Variants in SPATA13 observed in about 807,000 individuals in gnomAD.
SPATA13 encodes spermatogenesis associated 13, also known as spermatogenesis-associated protein 13.
In SPATA13, 50 loss-of-function variants were observed where a neutral mutation model predicts 104.0. That is an observed-to-expected ratio of 0.48 (90% confidence interval 0.38 to 0.61). The LOEUF (loss-of-function observed/expected upper bound fraction) is 0.61. Ranked by LOEUF, SPATA13 falls within the 20% of genes least tolerant of loss-of-function variation. The pLI is 0.00. For synonymous variants in SPATA13, 606 were observed against 667.5 expected, an observed-to-expected ratio of 0.91 and a Z score of 1.42; for missense variants, 1,524 against 1,690.6, an observed-to-expected ratio of 0.90 and a Z score of 1.73.
At chr13:24,023,919 G>C (rs1392914846) in intron 3 of SPATA13, among the ~76,000 whole-genome samples, 7 of 152,210 alleles carry the variant, frequency 4.6e-5, no homozygotes. Flanking sequence ...GTGGGGATTT[G>C]TTCAGCAGCA....
chr13:24,193,676 GAA>G (rs968948219), intron 1 of SPATA13, among the ~76,000 whole-genome samples: 1 of 152,230 alleles, frequency 6.6e-6, no homozygotes, highest in Non-Finnish European at 1.5e-5. Flanking sequence ...TGGATTCTCT[GAA>G]AAGAGTCCCT....
intron 3 of SPATA13, among the ~76,000 whole-genome samples, chr13:24,081,195 A>T (rs1374293375): frequency 6.6e-6 from 1 of 152,202 alleles, no homozygotes; most frequent in African/African-American, 2.4e-5. Flanking sequence ...GACTCCTTTC[A>T]GGTAGATCTG....
chr13:24,094,861 A>C (rs1231644317), intron 3 of SPATA13, among the ~76,000 whole-genome samples: 3 of 152,194 alleles, frequency 2.0e-5, no homozygotes, highest in African/African-American at 7.2e-5. Context: ...AAACCTCCTT[A>C]CCACCTTATA....
chr13:24,114,031 C>G (rs1880743222), intron 3 of SPATA13, among the ~76,000 whole-genome samples: 1 of 152,166 alleles, frequency 6.6e-6, no homozygotes, highest in South Asian at 2.1e-4. Flanking sequence ...ATGTTTTCTA[C>G]AAGTCTGAAT....
At chr13:24,190,719 G>A (rs1015343496) in intron 1 of SPATA13, among the ~76,000 whole-genome samples, 1 of 152,222 alleles carries the variant, frequency 6.6e-6, no homozygotes, top group Middle Eastern at 3.4e-3. Flanking sequence ...GAGGAGCAAA[G>A]AGAGTGGTTT....
In SPATA13 at chr13:24,286,577, G is replaced by A. The variant is rs933251314; in HGVS notation, c.2481+184G>A. 1.3e-5 allele frequency among the ~76,000 whole-genome samples: 2 copies of A among 152,118 alleles called. No individual in the cohort carries two copies. The highest frequency in any genetic ancestry group is 2.9e-5 in the Non-Finnish European group (2 of 68,020). On this transcript the variant is annotated intron_variant, in intron 6 of 12. Transcript: ENST00000382108. The surrounding 1 kb of genome is among the most constrained non-coding windows in gnomAD (Gnocchi z 4.9). Reference sequence around the variant, plus strand: ...TTAAAGGCAGGCAAGCGAGTTGCTCGGTGTTTCTCTGTGGTCCTCGTGCCT... The same window carrying A: ...TTAAAGGCAGGCAAGCGAGTTGCTCAGTGTTTCTCTGTGGTCCTCGTGCCT...
At chr13:24,090,849 T>C (rs1879886463) in intron 3 of SPATA13, among the ~76,000 whole-genome samples, 1 of 152,244 alleles carries the variant, frequency 6.6e-6, no homozygotes, top group Non-Finnish European at 1.5e-5. Flanking sequence ...TCCTGTTTCT[T>C]TTCATGTCTC....
intron 1 of SPATA13, among the ~76,000 whole-genome samples, chr13:24,167,670 TAC>T (rs370672628): frequency 6.6e-6 from 1 of 152,174 alleles, no homozygotes; most frequent in South Asian, 2.1e-4. Context: ...AGTGCCAGTT[TAC>T]ACACACACAC....
At chr13:24,081,405 T>C (rs1879510435) in intron 3 of SPATA13, among the ~76,000 whole-genome samples, 1 of 152,234 alleles carries the variant, frequency 6.6e-6, no homozygotes, top group Admixed American at 6.5e-5. Context: ...TAAGCACTTA[T>C]GTCCTTGGAT....
At chr13:24,085,123 T>C (rs1879675338) in intron 3 of SPATA13, among the ~76,000 whole-genome samples, 1 of 152,072 alleles carries the variant, frequency 6.6e-6, no homozygotes, top group Non-Finnish European at 1.5e-5. Context: ...TGTTCTGTGC[T>C]TTTTCCCTTG....
chr13:24,159,616 A>G (rs1882383421), upstream of SPATA13, among the ~76,000 whole-genome samples: 1 of 152,200 alleles, frequency 6.6e-6, no homozygotes, highest in South Asian at 2.1e-4. Context: ...TACTTACAGG[A>G]GGCTCACGCC....
At chr13:24,019,057 C>T (rs892017659) in intron 3 of SPATA13, among the ~76,000 whole-genome samples, 1 of 151,154 alleles carries the variant, frequency 6.6e-6, no homozygotes, top group Non-Finnish European at 1.5e-5. Context: ...AAAGAAGGGG[C>T]TCCTAAGTTA....
intron 3 of SPATA13, among the ~76,000 whole-genome samples, chr13:24,082,380 T>C (rs940283404): frequency 7.2e-5 from 11 of 152,188 alleles, no homozygotes; most frequent in African/African-American, 2.7e-4. Flanking sequence ...ACAGCATAAC[T>C]AGCTGTGATG....
At chr13:24,096,455 T>G (rs1261620231) in intron 3 of SPATA13, among the ~76,000 whole-genome samples, 1 of 151,762 alleles carries the variant, frequency 6.6e-6, no homozygotes, top group African/African-American at 2.4e-5. Context: ...AAAAAATAGC[T>G]GGGCGTGGTG....
chr13:23,981,206 G>A (rs1874876781), intron 1 of SPATA13, among the ~76,000 whole-genome samples: 1 of 152,136 alleles, frequency 6.6e-6, no homozygotes, highest in African/African-American at 2.4e-5. Flanking sequence ...TTTCATACAT[G>A]GAGATGTGCT....
At position 24,305,600 on chromosome 13, in the gene SPATA13, C is replaced by T. The variant is rs1877529557; in HGVS notation, c.*2827C>T. 6.6e-6 allele frequency: 1 copy of T among 152,192 alleles called. No individual in the cohort carries two copies. Among genetic ancestry groups the T allele is most frequent in the Non-Finnish European group, 1.5e-5 (1 of 68,038 alleles). The allele number at this position is 152,192 out of a possible 1,614,324, so 9.4% of individuals were successfully genotyped here. On this transcript the variant is annotated 3_prime_UTR_variant, in exon 13 of 13. Transcript: ENST00000382108. ...TGGAAAGAAAGGGAACAGAGAGCCTCCTCCATGGACAGTGTATGAATTTCA... is the reference window on the plus strand; with the variant it reads ...TGGAAAGAAAGGGAACAGAGAGCCTTCTCCATGGACAGTGTATGAATTTCA...
intron 3 of SPATA13, among the ~76,000 whole-genome samples, chr13:24,054,199 C>T (rs1878460996): frequency 6.6e-6 from 1 of 152,176 alleles, no homozygotes; most frequent in Non-Finnish European, 1.5e-5. Context: ...CCCGGAGTTC[C>T]CATCACACCC....
intron 2 of SPATA13, among the ~76,000 whole-genome samples, chr13:24,229,101 C>T (rs775018618): frequency 1.1e-4 from 16 of 152,196 alleles, no homozygotes; most frequent in Admixed American, 3.9e-4. Context: ...GTTGCATTTA[C>T]TTGTTGACAG....
intron 3 of SPATA13, among the ~76,000 whole-genome samples, chr13:24,126,757 A>G (rs1156920172): frequency 1.3e-5 from 2 of 152,068 alleles, no homozygotes; most frequent in Admixed American, 6.6e-5. Context: ...CAGTCTCACT[A>G]TGTTGCCCAG....
Sources: gnomAD v4.1 joint callset for allele counts (sites outside exome capture counted in the v4.1 genomes callset) on GRCh38, gnomAD v4.1.1 for gene constraint, Gnocchi (gnomAD v3.1) non-coding constraint, MANE v1.5 for transcripts, NCBI Gene and HGNC (gene_info 2026-07-23, HGNC 2026-07-21) for gene names.